Variants in LNPK observed in about 807,000 individuals in gnomAD.
LNPK encodes lunapark, ER junction formation factor, also known as endoplasmic reticulum junction formation protein lunapark.
A neutral mutation model predicts 55.2 loss-of-function variants in LNPK; 29 were observed. That is an observed-to-expected ratio of 0.53 (90% CI 0.39 to 0.72). The LOEUF is 0.72. Among genes scored for constraint, LNPK ranks in the 30% least tolerant of loss-of-function variants. LNPK has a pLI of 0.00. For missense variants in LNPK, 467 were observed against 494.8 expected (o/e 0.94, Z 0.53); for synonymous variants, 162 against 168.2 (o/e 0.96, Z 0.29).
chr2:175,944,310 A>G lies in LNPK; in HGVS notation c.706+3170T>C, dbSNP rs144275484. On this transcript the variant is annotated intron_variant, in intron 9 of 12. Coordinates refer to ENST00000272748, the MANE Select transcript of LNPK (RefSeq NM_030650.3). Reference sequence around the variant, plus strand: ...AAGAGAAATATACTGTGTTCATGTAATAAATTAGACAATATCATAAGATAC... The same window carrying G: ...AAGAGAAATATACTGTGTTCATGTAGTAAATTAGACAATATCATAAGATAC... Among the ~76,000 whole-genome samples the G allele has an allele frequency of 3.0e-4, 46 of 152,294 alleles. No homozygotes were observed. The East Asian group carries it at 6.9e-3, about 23-fold the overall frequency.
chr2:175,953,669 T>C (rs1277630282), intron 8 of LNPK, among the ~76,000 whole-genome samples: 2 of 151,680 alleles, frequency 1.3e-5, no homozygotes, highest in Non-Finnish European at 2.9e-5. Flanking sequence ...TGTAACCTTA[T>C]CTAGTACAGG....
chr2:175,951,592 T>C (rs910424432), intron 8 of LNPK, among the ~76,000 whole-genome samples: 4 of 96,394 alleles, frequency 4.1e-5, no homozygotes, highest in Admixed American at 4.1e-4. Context: ...TTCATATATA[T>C]ATATATATAT....
At chr2:175,969,759 T>G (rs909623328) in intron 6 of LNPK, among the ~76,000 whole-genome samples, 3 of 152,184 alleles carry the variant, frequency 2.0e-5, no homozygotes, top group African/African-American at 7.2e-5. Context: ...GATATTTCTG[T>G]GTTTGGCAAT....
In LNPK at chr2:175,928,457, A is replaced by C. The variant is rs1043402653; in HGVS notation, c.*1510T>G. 6.6e-6 allele frequency: 1 copy of C among 150,704 alleles called. No homozygotes were observed. The highest frequency in any genetic ancestry group is 2.4e-5 in the African/African-American group (1 of 40,838). 9.3% of individuals were successfully genotyped at this position (150,704 alleles called of 1,614,324 possible). ...AATTTAAGCCCAATACGGCAGGCTC[A>C]AAAACTCTGGTTACTATACCGGATG... On this transcript the variant is annotated 3_prime_UTR_variant, in exon 13 of 13. Coordinates refer to ENST00000272748, the MANE Select transcript of LNPK (RefSeq NM_030650.3).
chr2:175,964,387 C>T lies in LNPK; in HGVS notation c.478G>A (p.Ala160Thr), dbSNP rs749598231. ...EPPSAGAAVT[A>T]RPGQEIRQRT... Reference sequence around the variant, plus strand: ...AGTTATTTACCTTGTCCAGGTCTTGCAGTTACAGCTGCTCCAGCAGATGGC... The same window carrying T: ...AGTTATTTACCTTGTCCAGGTCTTGTAGTTACAGCTGCTCCAGCAGATGGC... The change falls in exon 8 of 13, where the codon GCA becomes ACA. Residue 160 changes from alanine to threonine, a missense_variant. Ala to Thr is a moderately conservative substitution (Grantham distance 58, BLOSUM62 0). Transcript: ENST00000272748. The T allele has an allele frequency of 5.9e-5, 95 of 1,613,204 alleles. 1 individual carries two copies. In the Middle Eastern group the frequency reaches 1.3e-3, roughly 22 times the overall value.
rs954695129 is a variant in LNPK at position 175,959,914 on chromosome 2, A to G, written c.493+4458T>C. ...AAAAAAAAGCAGGGGTTACAATTCTAGTCTGTGAGAAAACAGACTTTAAAC... is the reference window on the plus strand; with the variant it reads ...AAAAAAAAGCAGGGGTTACAATTCTGGTCTGTGAGAAAACAGACTTTAAAC... On this transcript the variant is annotated intron_variant, in intron 8 of 12. Transcript: ENST00000272748. 3.3e-5 allele frequency among the ~76,000 whole-genome samples: 5 copies of G among 152,112 alleles called. No individual in the cohort carries two copies. The East Asian group carries it at 7.7e-4, about 24-fold the overall frequency.
chr2:175,930,402 GA>G (rs796337512), intron 12 of LNPK, among the ~76,000 whole-genome samples: 25 of 145,716 alleles, frequency 1.7e-4, no homozygotes, highest in African/African-American at 4.3e-4. Flanking sequence ...TATGATAGAA[GA>G]AAAAAAAAGT....
At chr2:175,956,846 G>A (rs950196767) in intron 8 of LNPK, among the ~76,000 whole-genome samples, 2 of 151,910 alleles carry the variant, frequency 1.3e-5, no homozygotes, top group African/African-American at 4.8e-5. Flanking sequence ...AACACATGAG[G>A]CAAAACCCCA....
At chr2:175,933,890 C>G (rs1313401851) in intron 12 of LNPK, among the ~76,000 whole-genome samples, 1 of 152,120 alleles carries the variant, frequency 6.6e-6, no homozygotes. Flanking sequence ...CGCCACCACA[C>G]CTGGATCATT....
intron 9 of LNPK, among the ~76,000 whole-genome samples, chr2:175,941,916 G>C (rs1418593829): frequency 2.1e-5 from 3 of 140,076 alleles, no homozygotes; most frequent in Non-Finnish European, 4.6e-5. Context: ...CATCAGAAAA[G>C]ACGCAAACCA....
At chr2:175,999,032 TAG>T (rs1688065362) in intron 1 of LNPK, among the ~76,000 whole-genome samples, 1 of 152,180 alleles carries the variant, frequency 6.6e-6, no homozygotes, top group Non-Finnish European at 1.5e-5. Context: ...AAAACAATAT[TAG>T]AGTGATAGTC....
chr2:175,946,497 A>T (rs886701912), intron 9 of LNPK, among the ~76,000 whole-genome samples: 3 of 152,132 alleles, frequency 2.0e-5, no homozygotes, highest in Non-Finnish European at 4.4e-5. Context: ...ATTTATAGTC[A>T]GTATTCTTAA....
rs566488078 is a variant in LNPK, at chr2:175,979,774, T to A, written c.316+36A>T. On this transcript the variant is annotated intron_variant, in intron 5 of 12. Transcript: ENST00000272748. ...CCAGCACATTCTAAAATAGGTATTTTAAAAAATATTTATTAAAAATTGGAA... is the reference window on the plus strand; with the variant it reads ...CCAGCACATTCTAAAATAGGTATTTAAAAAAATATTTATTAAAAATTGGAA... The A allele has an allele frequency of 3.0e-4, 434 of 1,443,334 alleles. 4 individuals carry two copies. In the South Asian group the frequency reaches 3.0e-3, roughly 10 times the overall value. The allele number at this position is 1,443,334 out of a possible 1,614,324, so 89.4% of individuals were successfully genotyped here.
intron 9 of LNPK, among the ~76,000 whole-genome samples, chr2:175,940,413 A>G (rs1340732159): frequency 2.0e-5 from 3 of 152,026 alleles, no homozygotes; most frequent in African/African-American, 7.2e-5. Flanking sequence ...CATGCATGTG[A>G]GAAAACTATC....
chr2:175,984,142 G>T (rs867499746), intron 4 of LNPK, among the ~76,000 whole-genome samples: 1 of 151,436 alleles, frequency 6.6e-6, no homozygotes, highest in Non-Finnish European at 1.5e-5. Flanking sequence ...AAAGATTAGG[G>T]GGAAAAAAAG....
At chr2:175,988,512 CAAAAAAAAA>C (rs575414400) in intron 4 of LNPK, among the ~76,000 whole-genome samples, 3 of 58,730 alleles carry the variant, frequency 5.1e-5, no homozygotes, top group Admixed American at 1.7e-4. Context: ...ACTCTGTCTC[CAAAAAAAAA>C]AAAAAAAAAA....
chr2:175,948,976 T>C (rs1685276735), intron 8 of LNPK, among the ~76,000 whole-genome samples: 1 of 152,190 alleles, frequency 6.6e-6, no homozygotes, highest in African/African-American at 2.4e-5. Context: ...TATTAACTAA[T>C]TGTTATGAGA....
rs747763890 is a variant in LNPK, at chr2:175,979,844, A to AATT, written c.279_281dup (p.Ile95dup). 1 of 1,583,954 alleles carries AATT rather than the reference A, an allele frequency of 6.3e-7. No individual in the cohort carries two copies. Among genetic ancestry groups the AATT allele is most frequent in the Admixed American group, 1.8e-5 (1 of 54,608 alleles). On this transcript the variant is annotated inframe_insertion, in exon 5 of 13. Transcript: ENST00000272748. Reference sequence around the variant, plus strand: ...CTGTTCTCTTGGAAAAGAAGAAAATAATTACTGTTCTTATGCTCCAGATGC... The same window carrying AATT: ...CTGTTCTCTTGGAAAAGAAGAAAATAATTATTACTGTTCTTATGCTCCAGATGC...
Position 175,979,812 on chromosome 2 carries a change from T to C in LNPK, c.314A>G (p.Asn105Ser), listed in dbSNP as rs770682410. ...TTAAAAATTGGAATTAAACTTACTA[T>C]TTCTTTCTGTTCTCTTGGAAAAGAA... The part of the protein sequence containing the change: ...IFFFSKRTER[N>S]NEALDDLKSQ... The change falls in exon 5 of 13, where the codon AAT (asparagine) becomes AGT (serine). Residue 105 changes from asparagine (N) to serine (S), a missense_variant and splice_region_variant. Physicochemically the swap from Asn to Ser is conservative, Grantham distance 46. Transcript: ENST00000272748. 2.0e-5 allele frequency: 31 copies of C among 1,566,630 alleles called. No individual in the cohort carries two copies. Among genetic ancestry groups the C allele is most frequent in the South Asian group, 8.5e-5 (7 of 82,642 alleles).
Sources: gnomAD v4.1 joint callset for allele counts (sites outside exome capture counted in the v4.1 genomes callset) on GRCh38, gnomAD v4.1.1 for gene constraint, MANE v1.5 for transcripts, NCBI Gene and HGNC (gene_info 2026-07-23, HGNC 2026-07-21) for gene names.